Variants in ATP8B3 observed in about 807,000 individuals in gnomAD.
The protein encoded by ATP8B3 is phospholipid-transporting ATPase IK.
In ATP8B3, 141 loss-of-function variants were observed where a neutral mutation model predicts 140.9. The ratio of observed to expected loss-of-function variants is 1.00; its 90% confidence interval spans 0.87 to 1.15. The LOEUF (loss-of-function observed/expected upper bound fraction) is 1.15. Among genes scored for constraint, ATP8B3 ranks in the 50% most tolerant of loss-of-function variants. ATP8B3 has a pLI of 0.00. For missense variants in ATP8B3, 1,874 were observed against 1,740.6 expected, an observed-to-expected ratio of 1.08 and a Z score of -1.36; for synonymous variants, 765 against 714.6, an observed-to-expected ratio of 1.07 and a Z score of -1.13.
chr19:1,788,957 C>T lies in ATP8B3; in HGVS notation c.3009G>A (p.Lys1003=). 1 of 1,609,384 alleles carries T rather than the reference C, an allele frequency of 6.2e-7. No individual in the cohort carries two copies. Among genetic ancestry groups the T allele is most frequent in the African/African-American group, 1.3e-5 (1 of 74,956 alleles). The change falls in exon 24 of 29, where the codon AAG becomes AAA. Residue 1003 remains lysine, a synonymous_variant. Coordinates refer to ENST00000310127, the MANE Select transcript of ATP8B3 (RefSeq NM_138813.4). ...ICKFLRYFFY[K]SMASMMVQVW... is the part of the protein sequence containing the mutation. ...CCTGCACCATCATGCTGGCCATGCTCTTGTAGAAGAAGTAGCGCAGGAACT... is the reference window on the plus strand; with the variant it reads ...CCTGCACCATCATGCTGGCCATGCTTTTGTAGAAGAAGTAGCGCAGGAACT...
In ATP8B3 at chr19:1,805,523, C is replaced by T. The variant is rs1004369241; in HGVS notation, c.822-67G>A. 2 of 1,314,956 alleles carry T rather than the reference C, an allele frequency of 1.5e-6. No homozygotes were observed. Among genetic ancestry groups the T allele is most frequent in the East Asian group, 5.0e-5 (2 of 39,876 alleles). 81.5% of individuals were successfully genotyped at this position (1,314,956 alleles called of 1,614,324 possible). On this transcript the variant is annotated intron_variant, in intron 9 of 28. Coordinates refer to ENST00000310127, the MANE Select transcript of ATP8B3 (RefSeq NM_138813.4). The surrounding 1 kb of genome is among the most constrained non-coding windows in gnomAD (Gnocchi z 5.2). ...GATGCTTCGAGGAGCCCCCAGACCCCTTCTGGAGTCACTCAAACATTTTCA... is the reference window on the plus strand; with the variant it reads ...GATGCTTCGAGGAGCCCCCAGACCCTTTCTGGAGTCACTCAAACATTTTCA...
Position 1,809,709 on chromosome 19 carries a change from G to C in ATP8B3, c.336C>G (p.Asn112Lys), listed in dbSNP as rs1206931177. ...NSAFTWKVQA[N>K]NRAYNGQFKE... ...TGAACTGCCCGTTGTAGGCACGGTT[G>C]TTGGCCTGGACCTTCCAGGTGAATG... Residue 112 changes from asparagine (N) to lysine (K), a missense_variant, in exon 4 of 29, where the codon AAC (asparagine) becomes AAG (lysine). Transcript: ENST00000310127. The C allele has an allele frequency of 6.2e-6, 10 of 1,610,534 alleles. No homozygotes were observed. Among genetic ancestry groups the C allele is most frequent in the African/African-American group, 1.3e-5 (1 of 74,872 alleles).
chr19:1,806,253 G>C lies in ATP8B3; in HGVS notation c.678-84C>G. On this transcript the variant is annotated intron_variant, in intron 7 of 28. Transcript: ENST00000310127. This position sits in a 1 kb window ranked among gnomAD's most constrained non-coding sequence, Gnocchi z 5.6. ...GGAGACCAGAGGCACGGGATGACGG[G>C]GGGCCCGCAGCTGCAGTCCCCACCT... 1 of 1,531,342 alleles carries C rather than the reference G, an allele frequency of 6.5e-7. No homozygotes were observed. The highest frequency in any genetic ancestry group is 2.0e-5 in the Admixed American group (1 of 50,380). The allele number at this position is 1,531,342 out of a possible 1,614,324, so 94.9% of individuals were successfully genotyped here. A position where few individuals can be genotyped will look rare whatever the true frequency, so the allele number is the denominator to read the frequency against.
In ATP8B3 at chr19:1,795,855, G is replaced by A. The variant is rs1448010941; in HGVS notation, c.2055+20C>T. 2 of 1,455,324 alleles carry A rather than the reference G, an allele frequency of 1.4e-6. No individual in the cohort carries two copies. The highest frequency in any genetic ancestry group is 2.4e-5 in the East Asian group (1 of 41,352). The allele number at this position is 1,455,324 out of a possible 1,614,324, so 90.2% of individuals were successfully genotyped here. A position where few individuals can be genotyped will look rare whatever the true frequency, so the allele number is the denominator to read the frequency against. ...CACACACACACACACACATAAGCCA[G>A]CCTTCCTGAAGGGACTCACAGCCAA... On this transcript the variant is annotated intron_variant, in intron 18 of 28. Coordinates refer to ENST00000310127, the MANE Select transcript of ATP8B3 (RefSeq NM_138813.4).
intron 26 of ATP8B3, 67 bp from the exon 27 acceptor site, chr19:1,785,364 G>T: frequency 6.5e-7 from 1 of 1,549,168 alleles, no homozygotes. Context: ...CAGCCCCTGG[G>T]GTCCAGGAAG....
Position 1,788,962 on chromosome 19 carries a change from A to T in ATP8B3, c.3004T>A (p.Tyr1002Asn). The T allele has an allele frequency of 6.2e-7, 1 of 1,607,380 alleles. No individual in the cohort carries two copies. The highest frequency in any genetic ancestry group is 8.5e-7 in the Non-Finnish European group (1 of 1,177,160). Residue 1002 changes from tyrosine (Y) to asparagine (N), a missense_variant, in exon 24 of 29, where the codon TAC becomes AAC. By Grantham distance (143) the Tyr-to-Asn change is moderately radical (BLOSUM62 -2). Around this residue, in one of 3 missense-constraint regions of ATP8B3, gnomAD observed 840 missense variants for 760.9 expected, o/e 1.10. Coordinates refer to ENST00000310127, the MANE Select transcript of ATP8B3 (RefSeq NM_138813.4). ...RICKFLRYFF[Y>N]KSMASMMVQV... ...ACCATCATGCTGGCCATGCTCTTGT[A>T]GAAGAAGTAGCGCAGGAACTTGCAG... is the stretch of plus-strand genomic sequence containing the variant.
rs1273935561 is a variant in ATP8B3, at chr19:1,793,274, TA to T, written c.2056-1140del. Among the ~76,000 whole-genome samples the T allele has an allele frequency of 3.7e-3, 565 of 152,128 alleles. 7 individuals carry two copies. Among genetic ancestry groups the T allele is most frequent in the African/African-American group, 0.013 (538 of 41,500 alleles). ...CCCGGCTAATTTCTTTGTATATATA[TA>T]TATTTTTTAAATAGAGGTGGTTTCA... is the stretch of plus-strand genomic sequence containing the variant. On this transcript the variant is annotated intron_variant, in intron 18 of 28. Transcript: ENST00000310127.
chr19:1,796,746 G>T lies in ATP8B3; in HGVS notation c.1718C>A (p.Thr573Lys). ...ACGGGGGCTCTCCCGCACCATCACC[G>T]TGTGGCAGATGGCCAGCAGGCGCCA... Reference protein sequence around the residue: ...EFWRLLAICHTVMVRESPRER... With the variant: ...EFWRLLAICHKVMVRESPRER... The change falls in exon 16 of 29, where the codon ACG becomes AAG. Residue 573 changes from threonine (T) to lysine (K), a missense_variant. Physicochemically the swap from Thr to Lys is moderately conservative, Grantham distance 78 (BLOSUM62 -1). Around this residue, in one of 3 missense-constraint regions of ATP8B3, gnomAD observed 1,032 missense variants for 963.6 expected, o/e 1.07. Transcript: ENST00000310127. 2 of 1,612,000 alleles carry T rather than the reference G, an allele frequency of 1.2e-6. No individual in the cohort carries two copies. Among genetic ancestry groups the T allele is most frequent in the Non-Finnish European group, 1.7e-6 (2 of 1,179,592 alleles).
At position 1,806,579 on chromosome 19, in the gene ATP8B3, C is replaced by T. The variant is rs1329452470; in HGVS notation, c.677+49G>A. 1 of 1,549,064 alleles carries T rather than the reference C, an allele frequency of 6.5e-7. No homozygotes were observed. Among genetic ancestry groups the T allele is most frequent in the East Asian group, 2.4e-5 (1 of 40,906 alleles). On this transcript the variant is annotated intron_variant, in intron 7 of 28. Transcript: ENST00000310127. The surrounding 1 kb of genome is among the most constrained non-coding windows in gnomAD (Gnocchi z 5.6). The stretch of plus-strand genomic sequence containing the variant: ...TGCCGAGGCCGATGACCCTGCTGGG[C>T]TGGAGCCCCCGTGTCCCCGCGGATC...
chr19:1,805,330 T>G lies in ATP8B3; in HGVS notation c.904+44A>C. On this transcript the variant is annotated intron_variant, in intron 10 of 28. Transcript: ENST00000310127. The surrounding 1 kb of genome is among the most constrained non-coding windows in gnomAD (Gnocchi z 5.2). ...CAACAAAATACCCTAACTTTTAACT[T>G]TTACAGATTCGAGGGACGTGACTCC... 1 of 1,504,382 alleles carries G rather than the reference T, an allele frequency of 6.6e-7. No individual in the cohort carries two copies. Among genetic ancestry groups the G allele is most frequent in the Non-Finnish European group, 9.1e-7 (1 of 1,103,658 alleles). The allele number at this position is 1,504,382 out of a possible 1,614,324, so 93.2% of individuals were successfully genotyped here.
chr19:1,790,884 C>T, intron 20 of ATP8B3, 52 bp from the exon 21 acceptor site: 1 of 1,501,552 alleles, frequency 6.7e-7, no homozygotes, highest in Non-Finnish European at 9.0e-7. Flanking sequence ...CACTGGCTGC[C>T]TGGGGGCCAC....
intron 25 of ATP8B3, among the ~76,000 whole-genome samples, 171 bp from the exon 26 acceptor site, chr19:1,785,879 T>A (rs1600389178): frequency 6.6e-6 from 1 of 151,440 alleles, no homozygotes; most frequent in East Asian, 2.0e-4. Context: ...GCCTGTAATC[T>A]CAGCACTTTA....
intron 14 of ATP8B3, among the ~76,000 whole-genome samples, chr19:1,798,121 C>T (rs1263124697): frequency 6.6e-6 from 1 of 151,348 alleles, no homozygotes; most frequent in Non-Finnish European, 1.5e-5. Context: ...CAGGTGCCTG[C>T]CACCATGCCT....
In ATP8B3 at chr19:1,806,906, G is replaced by C. The variant is rs889220398; in HGVS notation, c.616-217C>G. 6.6e-6 allele frequency among the ~76,000 whole-genome samples: 1 copy of C among 152,058 alleles called. No individual in the cohort carries two copies. The highest frequency in any genetic ancestry group is 2.4e-5 in the African/African-American group (1 of 41,396). On this transcript the variant is annotated intron_variant, in intron 6 of 28. Transcript: ENST00000310127. The surrounding 1 kb of genome is among the most constrained non-coding windows in gnomAD (Gnocchi z 5.6). ...AGACAGGCGTGCTGCCCACCACCTAGAGTGCCTGCCAGACCACCCCCCACC... is the reference window on the plus strand; with the variant it reads ...AGACAGGCGTGCTGCCCACCACCTACAGTGCCTGCCAGACCACCCCCCACC...
intron 2 of ATP8B3, 123 bp from the exon 3 acceptor site, chr19:1,810,806 T>A: frequency 1.2e-6 from 1 of 830,428 alleles, no homozygotes; most frequent in South Asian, 1.9e-5. Context: ...CACACTCATC[T>A]GCAGCCTCCC....
intron 18 of ATP8B3, among the ~76,000 whole-genome samples, chr19:1,792,609 T>TAGAAAGAAA: frequency 8.2e-6 from 1 of 122,564 alleles, no homozygotes; most frequent in Middle Eastern, 7.0e-3. Flanking sequence ...GAAAAAACAA[T>TAGAAAGAAA]AGAAAGAAAG....
rs763355610 is a variant in ATP8B3, at chr19:1,800,095, G to A, written c.1404C>T (p.Tyr468=). Residue 468 remains tyrosine (Y), a synonymous_variant, in exon 14 of 29, where the codon TAC becomes TAT. Coordinates refer to ENST00000310127, the MANE Select transcript of ATP8B3 (RefSeq NM_138813.4). This position sits in a 1 kb window ranked among gnomAD's most constrained non-coding sequence, Gnocchi z 4.4. ...VFIDWDVQMY[Y]KPQDVPAKAR... ...CCTTGGCAGGCACGTCCTGCGGCTT[G>A]TAGTACATCTGCACGTCCCAGTCGA... 28 of 1,572,670 alleles carry A rather than the reference G, an allele frequency of 1.8e-5. No individual in the cohort carries two copies. The South Asian group carries it at 3.3e-4, about 18-fold the overall frequency.
In ATP8B3 at chr19:1,811,815, C is replaced by A. The variant is rs1000566212; in HGVS notation, c.-79G>T. 7 of 1,427,044 alleles carry A rather than the reference C, an allele frequency of 4.9e-6. No individual in the cohort carries two copies. The highest frequency in any genetic ancestry group is 1.4e-5 in the African/African-American group (1 of 70,348). 88.4% of individuals were successfully genotyped at this position (1,427,044 alleles called of 1,614,324 possible). On this transcript the variant is annotated 5_prime_UTR_variant, in exon 2 of 29. Transcript: ENST00000310127. ...ACGGGGGAGAGGTGGGGGAGACCCC[C>A]GTGGGGGCAGACTGGGGATTGGAGA...
Position 1,805,404 on chromosome 19 carries a change from C to G in ATP8B3, c.874G>C (p.Ala292Pro). ...QALMVTHKELATIKKMASFQG... is the reference protein window; with the variant it reads ...QALMVTHKELPTIKKMASFQG... The stretch of plus-strand genomic sequence containing the variant: ...AAGGACGCCATCTTCTTTATAGTGG[C>G]CAGTTCTTTGTGGGTGACCATCAGG... The change falls in exon 10 of 29, where the codon GCC (alanine) becomes CCC (proline). Residue 292 changes from alanine to proline, a missense_variant. This residue lies in a region of ATP8B3 where 1,032 missense variants were observed against 963.6 expected (regional missense o/e 1.07). Transcript: ENST00000310127. The surrounding 1 kb of genome is among the most constrained non-coding windows in gnomAD (Gnocchi z 5.2). 1 of 1,569,026 alleles carries G rather than the reference C, an allele frequency of 6.4e-7. No homozygotes were observed. Among genetic ancestry groups the G allele is most frequent in the Non-Finnish European group, 8.7e-7 (1 of 1,154,822 alleles).
Sources: gnomAD v4.1 joint callset for allele counts (sites outside exome capture counted in the v4.1 genomes callset) on GRCh38, gnomAD v4.1.1 for gene constraint, gnomAD v4.1.1 regional missense constraint, Gnocchi (gnomAD v3.1) non-coding constraint, MANE v1.5 for transcripts, NCBI Gene and HGNC (gene_info 2026-07-23, HGNC 2026-07-21) for gene names.